Variants in MTBP observed in about 807,000 individuals in gnomAD.
MTBP encodes the protein MDM2 binding protein.
MTBP carries 101 observed loss-of-function variants against 117.0 expected under a neutral mutation model. The observed-to-expected ratio is 0.86, with a 90% CI of 0.73 to 1.02. MTBP has a LOEUF of 1.02. Ranked by LOEUF, MTBP falls within the 50% of genes least tolerant of loss-of-function variation. The probability of loss-of-function intolerance (pLI) is 0.00; values close to 1 mark genes in which losing one functional copy is unlikely to be tolerated. For synonymous variants in MTBP, 350 were observed against 351.5 expected (o/e 1.00, Z 0.05); for missense variants, 970 against 1,030.9 (o/e 0.94, Z 0.81).
At chr8:120,518,854 C>T in intron 20 of MTBP, 37 bp downstream of exon 20, 1 of 1,393,754 alleles carries the variant, frequency 7.2e-7, no homozygotes, top group Non-Finnish European at 1.0e-6. Context: ...AAATTTAGTT[C>T]ATGTTCTAAT....
intron 11 of MTBP, among the ~76,000 whole-genome samples, chr8:120,475,505 AT>A: frequency 6.6e-6 from 1 of 152,108 alleles, no homozygotes; most frequent in African/African-American, 2.4e-5. Context: ...AATAAAAAAT[AT>A]GTGTATTAAT....
intron 11 of MTBP, among the ~76,000 whole-genome samples, chr8:120,485,444 C>T (rs1016138124): frequency 2.0e-5 from 3 of 152,068 alleles, no homozygotes; most frequent in African/African-American, 4.8e-5. Flanking sequence ...GTTTATTGTA[C>T]TTTTCCACTC....
chr8:120,465,269 A>G (rs1358823081), intron 10 of MTBP, among the ~76,000 whole-genome samples: 3 of 152,302 alleles, frequency 2.0e-5, no homozygotes, highest in East Asian at 3.9e-4. Flanking sequence ...GAGGAAAGGA[A>G]TATAGATGGT....
At chr8:120,454,082 T>C (rs1412123350) in intron 5 of MTBP, among the ~76,000 whole-genome samples, 177 bp downstream of exon 5, 1 of 152,170 alleles carries the variant, frequency 6.6e-6, no homozygotes, top group African/African-American at 2.4e-5. Context: ...ATTACCGAGA[T>C]GTAGCAGTTC....
rs552205750 is a variant in MTBP at position 120,476,632 on chromosome 8, T to C, written c.1165+5695T>C. Among the ~76,000 whole-genome samples the C allele has an allele frequency of 5.3e-5, 8 of 151,998 alleles. No individual in the cohort carries two copies. The South Asian group carries it at 8.3e-4, about 16-fold the overall frequency. On this transcript the variant is annotated intron_variant, in intron 11 of 21. Transcript: ENST00000305949. Reference sequence around the variant, plus strand: ...CAATAATAGACAAAGAGCCAAATCATGAATGAACTCCAATTCACAATTGCT... The same window carrying C: ...CAATAATAGACAAAGAGCCAAATCACGAATGAACTCCAATTCACAATTGCT...
At chr8:120,454,812 C>A (rs1024242385) in intron 5 of MTBP, among the ~76,000 whole-genome samples, 6 of 151,994 alleles carry the variant, frequency 3.9e-5, no homozygotes, top group Non-Finnish European at 4.4e-5. Context: ...AGAATACTTT[C>A]ATTATCAAAT....
intron 7 of MTBP, 45 bp downstream of exon 7, chr8:120,456,715 A>G: frequency 1.1e-6 from 1 of 914,612 alleles, no homozygotes; most frequent in Non-Finnish European, 1.8e-6. Flanking sequence ...TTTCAATTTT[A>G]TTTACAACAC....
rs758459702 is a variant in MTBP at position 120,523,316 on chromosome 8, G to A, written c.2695G>A (p.Glu899Lys). 3 of 1,556,748 alleles carry A rather than the reference G, an allele frequency of 1.9e-6. No individual in the cohort carries two copies. The highest frequency in any genetic ancestry group is 2.6e-6 in the Non-Finnish European group (3 of 1,144,868). ...CCCCTAGGTGATTGACTGGGTATTA[G>A]AAAAGACAAGCAAGAAATGATACAT... ...NAVQVIDWVL[E>K]KTSKK The change falls in exon 22 of 22, where the codon GAA becomes AAA. Residue 899 changes from glutamate to lysine, a missense_variant. By Grantham distance (56) the Glu-to-Lys change is moderately conservative (BLOSUM62 1). Transcript: ENST00000305949.
At chr8:120,502,419 A>C in intron 14 of MTBP, 73 bp from the exon 15 acceptor site, 2 of 1,043,552 alleles carry the variant, frequency 1.9e-6, no homozygotes, top group South Asian at 3.2e-5. Context: ...ATGTGTCTGT[A>C]AATACACATT....
chr8:120,458,797 C>T (rs1017773199), intron 7 of MTBP, among the ~76,000 whole-genome samples: 15 of 149,906 alleles, frequency 1.0e-4, no homozygotes, highest in African/African-American at 2.7e-4. Flanking sequence ...GGCAAGATTG[C>T]GCCACTGCAC....
At chr8:120,511,428 T>G (rs895387529) in intron 17 of MTBP, among the ~76,000 whole-genome samples, 5 of 152,180 alleles carry the variant, frequency 3.3e-5, no homozygotes, top group African/African-American at 9.7e-5. Context: ...CCCAGGTAAC[T>G]GGGATTACAG....
chr8:120,465,655 CTT>C lies in MTBP; in HGVS notation c.1047+1915_1047+1916del, dbSNP rs10663319. ...GAAATTTGTAGAAATCTTATAGAGA[CTT>C]TTTTTTTTTTTTTTTTTTTTGAGAC... On this transcript the variant is annotated intron_variant, in intron 10 of 21. Transcript: ENST00000305949. Among the ~76,000 whole-genome samples, 353 of 101,674 alleles carry C rather than the reference CTT, an allele frequency of 3.5e-3. 1 individual carries two copies. Among genetic ancestry groups the C allele is most frequent in the African/African-American group, 0.012 (311 of 26,808 alleles). The allele number at this position is 101,674 out of a possible 152,430, so 66.7% of individuals were successfully genotyped here.
At chr8:120,453,639 T>C (rs1487752736) in intron 4 of MTBP, among the ~76,000 whole-genome samples, 4 of 149,676 alleles carry the variant, frequency 2.7e-5, no homozygotes, top group African/African-American at 9.9e-5. Flanking sequence ...TACATACTAA[T>C]TATGTAACTT....
chr8:120,514,638 A>G (rs926805442), intron 17 of MTBP, among the ~76,000 whole-genome samples: 4 of 152,020 alleles, frequency 2.6e-5, no homozygotes, highest in Non-Finnish European at 4.4e-5. Flanking sequence ...GAAGTCACCA[A>G]CCTGGGTTTA....
intron 8 of MTBP, among the ~76,000 whole-genome samples, chr8:120,460,065 A>G (rs1813550775): frequency 1.3e-5 from 2 of 152,114 alleles, no homozygotes; most frequent in Admixed American, 1.3e-4. Flanking sequence ...GTGGGCATGA[A>G]GTTAAAGGAT....
At chr8:120,521,006 A>G (rs772852105) in intron 20 of MTBP, among the ~76,000 whole-genome samples, 6 of 152,128 alleles carry the variant, frequency 3.9e-5, no homozygotes, top group Non-Finnish European at 7.4e-5. Flanking sequence ...AACAAAAACT[A>G]ATCTAAAATG....
intron 15 of MTBP, 57 bp from the exon 16 acceptor site, chr8:120,506,648 TG>T: frequency 8.0e-7 from 1 of 1,247,638 alleles, no homozygotes; most frequent in Non-Finnish European, 1.1e-6. Context: ...TTTTTGACTC[TG>T]GCTTCTCTCT....
chr8:120,520,586 T>G (rs1164802391), intron 20 of MTBP, among the ~76,000 whole-genome samples: 2 of 152,134 alleles, frequency 1.3e-5, no homozygotes, highest in Non-Finnish European at 2.9e-5. Flanking sequence ...ATGAAAATTC[T>G]TCAACGAGTC....
intron 7 of MTBP, among the ~76,000 whole-genome samples, chr8:120,457,769 A>G (rs540466749): frequency 6.6e-6 from 1 of 152,068 alleles, no homozygotes; most frequent in South Asian, 2.1e-4. Flanking sequence ...CTAAAAATGT[A>G]AAAAATTAGC....
Sources: allele counts gnomAD v4.1 joint callset (sites outside exome capture counted in the v4.1 genomes callset), GRCh38; gene constraint gnomAD v4.1.1; transcripts MANE v1.5; gene names NCBI Gene and HGNC (gene_info 2026-07-23, HGNC 2026-07-21).